INVS: variants seen among roughly 807,000 people sequenced by gnomAD.
The protein encoded by INVS is inversion of embryo turning homolog.
In INVS, 86 loss-of-function variants were observed where a neutral mutation model predicts 108.8. The observed-to-expected ratio is 0.79, with a 90% CI of 0.66 to 0.95. The LOEUF (loss-of-function observed/expected upper bound fraction) is 0.95, where lower values mean the gene tolerates loss of function less well. Among genes scored for constraint, INVS ranks in the 40% least tolerant of loss-of-function variants. INVS has a pLI of 0.00. For missense variants in INVS, 1,169 were observed against 1,297.4 expected, an observed-to-expected ratio of 0.90 and a Z score of 1.52; for synonymous variants, 455 against 473.5, an observed-to-expected ratio of 0.96 and a Z score of 0.51.
intron 2 of INVS, among the ~76,000 whole-genome samples, chr9:100,111,960 T>C (rs561804182): frequency 4.6e-5 from 7 of 152,248 alleles, no homozygotes; most frequent in African/African-American, 1.7e-4. Flanking sequence ...CTTTTTCTAA[T>C]CATTTAGGGG....
intron 3 of INVS, among the ~76,000 whole-genome samples, chr9:100,219,643 G>C (rs192649654): frequency 6.6e-6 from 1 of 152,214 alleles, no homozygotes; most frequent in Admixed American, 6.5e-5. Context: ...ATATGTATGA[G>C]AATATTCATT....
intron 2 of INVS, among the ~76,000 whole-genome samples, chr9:100,106,279 T>C (rs1827177291): frequency 6.6e-6 from 1 of 152,230 alleles, no homozygotes; most frequent in Non-Finnish European, 1.5e-5. Context: ...CTTCCACACA[T>C]GCTCTGTGTT....
At chr9:100,104,691 A>C (rs1827117418) in intron 2 of INVS, 64 bp downstream of exon 2, 2 of 1,096,966 alleles carry the variant, frequency 1.8e-6, no homozygotes, top group East Asian at 4.7e-5. Flanking sequence ...AAGTTTGTTA[A>C]TGTTAGTTTT....
intron 14 of INVS, among the ~76,000 whole-genome samples, chr9:100,296,190 T>C (rs1470437582): frequency 2.6e-5 from 4 of 152,200 alleles, no homozygotes; most frequent in Non-Finnish European, 5.9e-5. Context: ...TAAAGACAGA[T>C]ACAGATAATA....
chr9:100,148,718 A>G (rs1030649229), intron 3 of INVS, among the ~76,000 whole-genome samples: 2 of 152,238 alleles, frequency 1.3e-5, no homozygotes, highest in Non-Finnish European at 2.9e-5. Context: ...CTACAAAAAC[A>G]TTTTAAATGA....
At chr9:100,220,980 A>G (rs1260303265) in intron 3 of INVS, among the ~76,000 whole-genome samples, 2 of 152,018 alleles carry the variant, frequency 1.3e-5, no homozygotes, top group Admixed American at 6.6e-5. Flanking sequence ...GTCCCAAAAA[A>G]AAAAAAAATA....
chr9:100,183,647 G>C (rs971699311), intron 3 of INVS, among the ~76,000 whole-genome samples: 4 of 151,818 alleles, frequency 2.6e-5, no homozygotes, highest in African/African-American at 9.7e-5. Flanking sequence ...CAAAACATTA[G>C]CTGGGTGTGG....
chr9:100,165,467 C>A (rs1829332066), intron 3 of INVS, among the ~76,000 whole-genome samples: 1 of 152,046 alleles, frequency 6.6e-6, no homozygotes, highest in Non-Finnish European at 1.5e-5. Context: ...GAGAAACTTC[C>A]CCATATCTAC....
Position 100,160,574 on chromosome 9 carries a change from G to A in INVS, c.273+34025G>A, listed in dbSNP as rs140852760. On this transcript the variant is annotated intron_variant, in intron 3 of 16. Coordinates refer to ENST00000262457, the MANE Select transcript of INVS (RefSeq NM_014425.5). ...TACTTCACTTCCATAAGGCTGACTT[G>A]CAAGTCTGAATTTATAGTTGTGTTC... 1.0e-2 allele frequency among the ~76,000 whole-genome samples: 1,520 copies of A among 152,214 alleles called. 62 individuals carry two copies. The highest frequency in any genetic ancestry group is 0.063 in the Admixed American group (971 of 15,298).
chr9:100,293,546 C>T (rs765634764), intron 14 of INVS, among the ~76,000 whole-genome samples: 30 of 152,148 alleles, frequency 2.0e-4, no homozygotes, highest in Non-Finnish European at 3.4e-4. Context: ...AGTCATACTC[C>T]AAACACCTAA....
intron 1 of INVS, chr9:100,101,574 G>A (rs773083447): frequency 6.6e-5 from 10 of 152,150 alleles, no homozygotes; most frequent in Non-Finnish European, 1.2e-4. Flanking sequence ...AAAGACGTAA[G>A]GAGCTGTGCT....
chr9:100,144,278 A>C (rs1247216632), intron 3 of INVS, among the ~76,000 whole-genome samples: 3 of 152,112 alleles, frequency 2.0e-5, no homozygotes, highest in Non-Finnish European at 4.4e-5. Context: ...AAGGAATTGC[A>C]ACTTTTTTCT....
At chr9:100,178,934 G>A (rs748997976) in intron 3 of INVS, among the ~76,000 whole-genome samples, 6 of 152,178 alleles carry the variant, frequency 3.9e-5, no homozygotes, top group Non-Finnish European at 8.8e-5. Flanking sequence ...ACTAACGGTG[G>A]ATCTCTCTAC....
chr9:100,293,720 G>A (rs1342311453), intron 14 of INVS, among the ~76,000 whole-genome samples: 1 of 152,180 alleles, frequency 6.6e-6, no homozygotes. Context: ...ATGCCGCTAG[G>A]GGATGATTAT....
chr9:100,245,919 C>T (rs1651490716), intron 7 of INVS, among the ~76,000 whole-genome samples: 1 of 152,050 alleles, frequency 6.6e-6, no homozygotes, highest in African/African-American at 2.4e-5. Flanking sequence ...AATTCCAGCA[C>T]TTTGGGAGGC....
At chr9:100,134,862 G>A (rs7870701) in intron 3 of INVS, among the ~76,000 whole-genome samples, 31,990 of 152,106 alleles carry the variant, frequency 0.21, 5,722 homozygotes, top group African/African-American at 0.49. Flanking sequence ...CTGCTGACAC[G>A]TTCAACCACA....
intron 3 of INVS, among the ~76,000 whole-genome samples, chr9:100,203,667 T>C (rs1830595817): frequency 6.6e-6 from 1 of 152,100 alleles, no homozygotes; most frequent in South Asian, 2.1e-4. Flanking sequence ...CATGCGTGGC[T>C]AATTTTTGTA....
At chr9:100,276,802 G>T (rs1000531458) in intron 12 of INVS, among the ~76,000 whole-genome samples, 1 of 152,238 alleles carries the variant, frequency 6.6e-6, no homozygotes, top group South Asian at 2.1e-4. Context: ...ACCACGCCCA[G>T]CCCCCTCATT....
chr9:100,111,529 G>A (rs1827337565), intron 2 of INVS, among the ~76,000 whole-genome samples: 1 of 152,224 alleles, frequency 6.6e-6, no homozygotes, highest in African/African-American at 2.4e-5. Flanking sequence ...ATGGATTAGA[G>A]GCCATCTCCA....
Sources: allele counts gnomAD v4.1 joint callset (sites outside exome capture counted in the v4.1 genomes callset), GRCh38; gene constraint gnomAD v4.1.1; transcripts MANE v1.5; gene names NCBI Gene and HGNC (gene_info 2026-07-23, HGNC 2026-07-21).